The following CCDC138 variants were observed in gnomAD, a reference collection of about 807,000 sequenced individuals.
CCDC138 encodes coiled-coil domain-containing protein 138.
CCDC138 carries 66 observed loss-of-function variants against 82.3 expected under a neutral mutation model. The ratio of observed to expected loss-of-function variants is 0.80; its 90% CI spans 0.66 to 0.98. CCDC138 has a LOEUF of 0.98. CCDC138 is among the 50% of genes least tolerant of loss of function. The pLI is 0.00. For synonymous variants in CCDC138, 297 were observed against 265.4 expected (o/e 1.12, Z -1.16); for missense variants, 816 against 758.9 (o/e 1.08, Z -0.88).
chr2:108,857,118 C>T (rs1356693089), intron 13 of CCDC138, 148 bp downstream of exon 13: 12 of 399,988 alleles, frequency 3.0e-5, no homozygotes, highest in East Asian at 1.4e-4. Context: ...CTCGCTTTGT[C>T]GTCAAGCTGG....
chr2:108,852,545 T>G (rs1691682703), intron 12 of CCDC138, among the ~76,000 whole-genome samples: 1 of 152,180 alleles, frequency 6.6e-6, no homozygotes. Context: ...ATGTGGTACA[T>G]ATACACTATG....
At chr2:108,788,288 C>T (rs1249446056) in intron 2 of CCDC138, among the ~76,000 whole-genome samples, 199 bp downstream of exon 2, 1 of 151,998 alleles carries the variant, frequency 6.6e-6, no homozygotes, top group African/African-American at 2.4e-5. Context: ...AGCATGGTGG[C>T]GGGCGCCTGT....
In CCDC138 at chr2:108,876,427, G is replaced by C; in HGVS notation, c.*174G>C. ...TCTGTAGAAGGTATTGGAACTTTTG[G>C]AATGTTTCAGTTCAGGTAAGGTAAT... On this transcript the variant is annotated 3_prime_UTR_variant, in exon 15 of 15. Coordinates refer to ENST00000295124, the MANE Select transcript of CCDC138 (RefSeq NM_144978.3). The C allele has an allele frequency of 2.4e-6, 1 of 425,472 alleles. No individual in the cohort carries two copies. The highest frequency in any genetic ancestry group is 4.1e-6 in the Non-Finnish European group (1 of 242,444). The allele number at this position is 425,472 out of a possible 1,614,324, so 26.4% of individuals were successfully genotyped here.
At chr2:108,840,634 C>T (rs1689297544) in intron 11 of CCDC138, among the ~76,000 whole-genome samples, 1 of 151,894 alleles carries the variant, frequency 6.6e-6, no homozygotes, top group African/African-American at 2.4e-5. Flanking sequence ...ATTCTCTTAT[C>T]CTTTTGATGT....
At chr2:108,883,674 G>T (rs1432103293) in intron 2 of CCDC138, 2 of 152,280 alleles carry the variant, frequency 1.3e-5, no homozygotes, top group Non-Finnish European at 2.9e-5. Flanking sequence ...TCACTCGAGT[G>T]GGCTTCTTGC....
intron 7 of CCDC138, among the ~76,000 whole-genome samples, chr2:108,805,587 C>T (rs1218028802): frequency 1.3e-5 from 2 of 151,346 alleles, no homozygotes; most frequent in South Asian, 2.1e-4. Flanking sequence ...AATAGCTGGG[C>T]GTGATGGCGG....
chr2:108,787,873 C>T, intron 1 of CCDC138, 159 bp from the exon 2 acceptor site: 1 of 246,998 alleles, frequency 4.0e-6, no homozygotes, highest in South Asian at 1.5e-4. Context: ...TGGTTTGTCA[C>T]ATTATTGATG....
At chr2:108,843,095 C>T (rs1181713804) in intron 11 of CCDC138, among the ~76,000 whole-genome samples, 1 of 151,684 alleles carries the variant, frequency 6.6e-6, no homozygotes, top group African/African-American at 2.4e-5. Flanking sequence ...TGCCACAGTT[C>T]CCTCTTTCAT....
chr2:108,861,803 C>T (rs1298951531), intron 13 of CCDC138, among the ~76,000 whole-genome samples: 2 of 151,798 alleles, frequency 1.3e-5, no homozygotes, highest in African/African-American at 4.8e-5. Context: ...TCCCAAAGTG[C>T]TGGGATTACA....
At chr2:108,823,824 G>A (rs993483997) in intron 10 of CCDC138, among the ~76,000 whole-genome samples, 1 of 152,050 alleles carries the variant, frequency 6.6e-6, no homozygotes, top group East Asian at 1.9e-4. Flanking sequence ...TAAAAATACA[G>A]AAATTAGTTG....
intron 2 of CCDC138, chr2:108,884,371 T>C (rs1051126598): frequency 6.6e-6 from 1 of 152,196 alleles, no homozygotes; most frequent in African/African-American, 2.4e-5. Context: ...AGCAGTGTAA[T>C]TCCACAAGGC....
intron 14 of CCDC138, among the ~76,000 whole-genome samples, chr2:108,875,336 AGAAAC>A (rs1558775721): frequency 1.6e-5 from 2 of 124,656 alleles, no homozygotes; most frequent in East Asian, 0.01. Flanking sequence ...AAAAAAAAAA[AGAAAC>A]AAATTCTTAA....
intron 6 of CCDC138, among the ~76,000 whole-genome samples, chr2:108,800,525 A>G (rs1037801968): frequency 6.7e-6 from 1 of 149,030 alleles, no homozygotes; most frequent in African/African-American, 2.5e-5. Context: ...TCGCCCTCCC[A>G]AAGTGCTGGG....
intron 7 of CCDC138, 133 bp from the exon 8 acceptor site, chr2:108,812,498 A>T: frequency 3.1e-6 from 2 of 653,550 alleles, no homozygotes; most frequent in South Asian, 2.0e-5. Flanking sequence ...GATCTAAGTT[A>T]ATCATGAATG....
At chr2:108,840,716 T>A (rs1689310033) in intron 11 of CCDC138, among the ~76,000 whole-genome samples, 2 of 152,202 alleles carry the variant, frequency 1.3e-5, no homozygotes, top group Admixed American at 1.3e-4. Context: ...CTTTAGTTCA[T>A]CTCTTTTGCT....
intron 4 of CCDC138, 40 bp from the exon 5 acceptor site, chr2:108,794,500 G>A (rs1293852046): frequency 1.3e-6 from 2 of 1,542,020 alleles, no homozygotes; most frequent in Non-Finnish European, 1.8e-6. Flanking sequence ...GAAACAATAA[G>A]TTAATAAAGT....
chr2:108,874,556 C>G (rs1558774069), intron 14 of CCDC138, among the ~76,000 whole-genome samples: 3 of 152,116 alleles, frequency 2.0e-5, no homozygotes, highest in Admixed American at 6.6e-5. Flanking sequence ...GGCCTCATCC[C>G]CTCATCCATG....
intron 7 of CCDC138, among the ~76,000 whole-genome samples, chr2:108,808,630 A>G (rs1683253853): frequency 6.6e-6 from 1 of 152,106 alleles, no homozygotes; most frequent in Non-Finnish European, 1.5e-5. Flanking sequence ...GCATTTTTTC[A>G]TATACCTGTT....
intron 10 of CCDC138, among the ~76,000 whole-genome samples, chr2:108,835,627 C>T (rs1159786518): frequency 6.6e-6 from 1 of 152,112 alleles, no homozygotes; most frequent in African/African-American, 2.4e-5. Flanking sequence ...TTCTGGTCCA[C>T]CCATATAATT....
Sources: gnomAD v4.1 joint callset for allele counts (sites outside exome capture counted in the v4.1 genomes callset) on GRCh38, gnomAD v4.1.1 for gene constraint, MANE v1.5 for transcripts, NCBI Gene and HGNC (gene_info 2026-07-23, HGNC 2026-07-21) for gene names.